The following DGKB variants were observed in gnomAD, a reference collection of about 807,000 sequenced individuals.
The protein encoded by DGKB is diacylglycerol kinase beta.
DGKB carries 67 observed loss-of-function variants against 114.3 expected under a neutral mutation model. The observed-to-expected ratio is 0.59, with a 90% CI of 0.48 to 0.72. DGKB has a LOEUF of 0.72. DGKB is among the 30% of genes least tolerant of loss of function. The probability of loss-of-function intolerance (pLI) is 0.00; values close to 1 mark genes in which losing one functional copy is unlikely to be tolerated. For missense variants in DGKB, 907 were observed against 975.2 expected (o/e 0.93, Z 0.93); for synonymous variants, 398 against 323.1 (o/e 1.23, Z -2.49).
intron 1 of DGKB, among the ~76,000 whole-genome samples, chr7:14,860,725 T>G (rs1004966278): frequency 6.6e-6 from 1 of 151,854 alleles, no homozygotes; most frequent in African/African-American, 2.4e-5. Flanking sequence ...GTTTAGAGGA[T>G]TGTAATAAGA....
rs544729734 is a variant in DGKB, at chr7:14,419,229, A to G, written c.1835+58932T>C. Among the ~76,000 whole-genome samples, 76 of 152,170 alleles carry G rather than the reference A, an allele frequency of 5.0e-4. 1 individual carries two copies. Among genetic ancestry groups the G allele is most frequent in the Middle Eastern group, 3.4e-3 (1 of 294 alleles). On this transcript the variant is annotated intron_variant, in intron 21 of 25. Transcript: ENST00000402815. ...TTATCTATACTATGGGAAAAAGAAA[A>G]GGAGTGAGAAAGTAATTGAGTGAAT...
At chr7:14,865,032 G>A (rs1471674428) in intron 1 of DGKB, among the ~76,000 whole-genome samples, 1 of 152,122 alleles carries the variant, frequency 6.6e-6, no homozygotes, top group Non-Finnish European at 1.5e-5. Flanking sequence ...CAGCAGAGAT[G>A]AGGGATGAAG....
intron 4 of DGKB, among the ~76,000 whole-genome samples, chr7:14,740,492 C>T (rs1224242651): frequency 6.6e-6 from 1 of 152,114 alleles, no homozygotes; most frequent in Non-Finnish European, 1.5e-5. Flanking sequence ...TAGAGCTTCA[C>T]CTTAGCATTT....
chr7:14,308,639 C>T (rs901081655), intron 23 of DGKB, among the ~76,000 whole-genome samples: 5 of 152,026 alleles, frequency 3.3e-5, no homozygotes, highest in African/African-American at 9.7e-5. Context: ...ATCAGCTAAA[C>T]CTAAAAACAA....
intron 2 of DGKB, among the ~76,000 whole-genome samples, chr7:14,766,847 A>G (rs1400965324): frequency 1.3e-5 from 2 of 151,834 alleles, no homozygotes; most frequent in African/African-American, 4.8e-5. Context: ...TACCAGGAAA[A>G]ATAATGTATC....
At chr7:14,319,290 TAAA>T (rs71033987) in intron 23 of DGKB, among the ~76,000 whole-genome samples, 14 of 150,272 alleles carry the variant, frequency 9.3e-5, no homozygotes, top group Admixed American at 3.3e-4. Context: ...AGTATAATAA[TAAA>T]AAAAAATATT....
chr7:14,889,640 T>A (rs1199634800), intron 1 of DGKB, among the ~76,000 whole-genome samples: 1 of 151,336 alleles, frequency 6.6e-6, no homozygotes, highest in Non-Finnish European at 1.5e-5. Flanking sequence ...AAAGTTTTTC[T>A]CATTGTAAAA....
chr7:14,282,236 CT>C (rs1406367019), intron 23 of DGKB, among the ~76,000 whole-genome samples: 2 of 131,166 alleles, frequency 1.5e-5, no homozygotes, highest in Non-Finnish European at 3.2e-5. Flanking sequence ...ACAAACACCT[CT>C]ATGCAAATAA....
chr7:14,726,087 A>G (rs569077712), intron 5 of DGKB, among the ~76,000 whole-genome samples: 2 of 152,254 alleles, frequency 1.3e-5, no homozygotes, highest in South Asian at 2.1e-4. Flanking sequence ...TTGCACAGGT[A>G]CGACTCAAAA....
chr7:14,760,491 C>G (rs1835527554), intron 2 of DGKB, among the ~76,000 whole-genome samples: 1 of 151,810 alleles, frequency 6.6e-6, no homozygotes, highest in South Asian at 2.1e-4. Context: ...TGAAGCTGAC[C>G]CCTTATTCTC....
At chr7:14,543,045 G>C (rs891759614) in intron 20 of DGKB, among the ~76,000 whole-genome samples, 1 of 152,124 alleles carries the variant, frequency 6.6e-6, no homozygotes, top group Non-Finnish European at 1.5e-5. Context: ...ACTTGTCCAT[G>C]TCATTTTTCA....
intron 2 of DGKB, among the ~76,000 whole-genome samples, chr7:14,824,096 T>G (rs1001610468): frequency 6.6e-6 from 1 of 152,046 alleles, no homozygotes; most frequent in African/African-American, 2.4e-5. Context: ...TCAGATCTCA[T>G]GAGACTTATT....
chr7:14,762,126 CTG>C (rs1835789287), intron 2 of DGKB, among the ~76,000 whole-genome samples: 1 of 152,144 alleles, frequency 6.6e-6, no homozygotes, highest in South Asian at 2.1e-4. Context: ...AGACAATGGG[CTG>C]TCTTTTTCAT....
chr7:14,552,962 G>A (rs1563489214), intron 20 of DGKB, among the ~76,000 whole-genome samples: 1 of 152,214 alleles, frequency 6.6e-6, no homozygotes, highest in African/African-American at 2.4e-5. Context: ...AGAGCCAGTG[G>A]TCTTAAGGCT....
chr7:14,892,869 T>TGTGC (rs1181811945), intron 1 of DGKB, among the ~76,000 whole-genome samples: 1 of 150,036 alleles, frequency 6.7e-6, no homozygotes, highest in Non-Finnish European at 1.5e-5. Context: ...TATATATGTG[T>TGTGC]GTGTGTGTGT....
intron 20 of DGKB, among the ~76,000 whole-genome samples, chr7:14,516,742 G>A (rs183223520): frequency 2.0e-5 from 3 of 152,040 alleles, no homozygotes; most frequent in Admixed American, 6.6e-5. Context: ...AAACTTAGCC[G>A]AAGTAGTATA....
At chr7:14,251,515 C>T (rs1795233014) in intron 23 of DGKB, among the ~76,000 whole-genome samples, 1 of 151,932 alleles carries the variant, frequency 6.6e-6, no homozygotes, top group Admixed American at 6.6e-5. Context: ...ACTTTTAGAC[C>T]AGATTAAAAA....
chr7:14,922,790 A>G (rs1295078975), intron 1 of DGKB, among the ~76,000 whole-genome samples: 1 of 152,158 alleles, frequency 6.6e-6, no homozygotes, highest in Non-Finnish European at 1.5e-5. Context: ...AGCTCTGTGT[A>G]AATTGAAGAT....
intron 2 of DGKB, among the ~76,000 whole-genome samples, chr7:14,821,033 T>C (rs1035917918): frequency 2.0e-5 from 3 of 152,144 alleles, no homozygotes; most frequent in Non-Finnish European, 4.4e-5. Flanking sequence ...GAAAGGTCTA[T>C]GCTCCTACCC....
Sources: gnomAD v4.1 joint callset for allele counts (sites outside exome capture counted in the v4.1 genomes callset) on GRCh38, gnomAD v4.1.1 for gene constraint, MANE v1.5 for transcripts, NCBI Gene and HGNC (gene_info 2026-07-23, HGNC 2026-07-21) for gene names.